Variants in ROBO1 observed in about 807,000 individuals in gnomAD.
ROBO1 encodes the protein roundabout homolog 1.
ROBO1 carries 149 observed loss-of-function variants against 195.9 expected under a neutral mutation model. That is an observed-to-expected ratio of 0.76 (90% CI 0.67 to 0.87). The LOEUF is 0.87. ROBO1 is among the 40% of genes least tolerant of loss of function. ROBO1 has a pLI of 0.00. For missense variants in ROBO1, 1,933 were observed against 2,068.3 expected (o/e 0.93, Z 1.27); for synonymous variants, 816 against 733.2 (o/e 1.11, Z -1.82).
At chr3:78,740,207 A>G (rs2082492110) in intron 5 of ROBO1, among the ~76,000 whole-genome samples, 2 of 152,124 alleles carry the variant, frequency 1.3e-5, no homozygotes, top group Non-Finnish European at 2.9e-5. Flanking sequence ...GACTAAATTG[A>G]CAAGTATAAG....
intron 1 of ROBO1, among the ~76,000 whole-genome samples, chr3:79,655,641 G>T (rs2106781645): frequency 6.6e-6 from 1 of 152,054 alleles, no homozygotes; most frequent in East Asian, 1.9e-4. Context: ...GGCTTTCATT[G>T]CCATTAATTA....
At chr3:79,425,085 T>G (rs1397192720) in intron 2 of ROBO1, among the ~76,000 whole-genome samples, 1 of 152,168 alleles carries the variant, frequency 6.6e-6, no homozygotes, top group Admixed American at 6.6e-5. Flanking sequence ...CAACATTCCT[T>G]ACAATTCTAG....
At chr3:79,647,395 T>C (rs1349146488) in intron 1 of ROBO1, among the ~76,000 whole-genome samples, 1 of 152,008 alleles carries the variant, frequency 6.6e-6, no homozygotes, top group Non-Finnish European at 1.5e-5. Context: ...ATTTCTATGA[T>C]CCCTAAACAA....
rs2077850653 is a variant in ROBO1 at position 79,013,822 on chromosome 3, C to A, written c.173-74895G>T. Among the ~76,000 whole-genome samples, 3 of 152,122 alleles carry A rather than the reference C, an allele frequency of 2.0e-5. No individual in the cohort carries two copies. The South Asian group carries it at 6.2e-4, about 31-fold the overall frequency. On this transcript the variant is annotated intron_variant, in intron 3 of 30. Transcript: ENST00000464233. ...GGTGAGTGTTTAGTAAAGTGATAGT[C>A]CTAGCTTCACAGTAAAAGTAGCCAT...
At chr3:79,204,974 A>ATTAG (rs113126682) in intron 2 of ROBO1, among the ~76,000 whole-genome samples, 6,456 of 150,422 alleles carry the variant, frequency 0.043, 198 homozygotes, top group African/African-American at 0.068. Context: ...GACTTGGAGA[A>ATTAG]TTAGTTAGTT....
chr3:78,627,496 C>G lies in ROBO1; in HGVS notation c.3700G>C (p.Glu1234Gln), dbSNP rs1487881683. Reference protein sequence around the residue: ...YLQQDELEEEEDERGPTPPVR... With the variant: ...YLQQDELEEEQDERGPTPPVR... ...GGGGGAGTGGGGCCTCGTTCATCTT[C>G]CTCCTCTTCTAATTCATCTTGTTGC... Residue 1234 changes from glutamate (E) to glutamine (Q), a missense_variant, in exon 26 of 31, where the codon GAA (glutamate) becomes CAA (glutamine). Physicochemically the swap from Glu to Gln is conservative, Grantham distance 29. Transcript: ENST00000464233. 40 of 1,613,048 alleles carry G rather than the reference C, an allele frequency of 2.5e-5. No homozygotes were observed. Among genetic ancestry groups the G allele is most frequent in the Non-Finnish European group, 3.4e-5 (40 of 1,179,588 alleles).
chr3:79,555,844 G>A (rs188805323), intron 2 of ROBO1, among the ~76,000 whole-genome samples: 2 of 152,238 alleles, frequency 1.3e-5, no homozygotes, highest in African/African-American at 4.8e-5. Flanking sequence ...CATCTTGAGT[G>A]ACAGAATGGT....
chr3:78,765,060 C>T (rs1247981247), intron 4 of ROBO1, among the ~76,000 whole-genome samples: 2 of 151,768 alleles, frequency 1.3e-5, no homozygotes, highest in African/African-American at 4.8e-5. Flanking sequence ...TATTTTAGAC[C>T]TTTGGTTTTA....
intron 2 of ROBO1, among the ~76,000 whole-genome samples, chr3:79,384,581 T>A (rs1310513269): frequency 6.6e-6 from 1 of 152,022 alleles, no homozygotes; most frequent in African/African-American, 2.4e-5. Context: ...TATTTTATTA[T>A]AAGGTAGATG....
At chr3:79,436,934 T>C (rs914420167) in intron 2 of ROBO1, among the ~76,000 whole-genome samples, 19 of 152,172 alleles carry the variant, frequency 1.2e-4, no homozygotes, top group African/African-American at 4.1e-4. Context: ...CATGCATATA[T>C]AGGATTCATC....
chr3:79,125,332 T>G, intron 3 of ROBO1, 124 bp downstream of exon 3: 79 of 756,194 alleles, frequency 1.0e-4, no homozygotes, highest in East Asian at 1.6e-4. Flanking sequence ...GTTTGAAAAA[T>G]GAGAAATTGT....
chr3:78,992,743 TA>T (rs1416769257), intron 3 of ROBO1, among the ~76,000 whole-genome samples: 1 of 151,922 alleles, frequency 6.6e-6, no homozygotes, highest in Admixed American at 6.6e-5. Context: ...CCAAGACAAG[TA>T]AAAAAAGAGT....
chr3:79,564,840 T>C (rs373170237), intron 2 of ROBO1, among the ~76,000 whole-genome samples: 20 of 152,162 alleles, frequency 1.3e-4, no homozygotes, highest in African/African-American at 4.3e-4. Context: ...AATATTAGCA[T>C]TGATTACAGA....
Position 78,677,828 on chromosome 3 carries a change from T to C in ROBO1, c.1343-7527A>G, listed in dbSNP as rs950563424. ...TCAGCTCTGCACCAAGCGGACCTAA[T>C]AGACATCTACAGAACTCTCCACCCC... On this transcript the variant is annotated intron_variant, in intron 10 of 30. Coordinates refer to ENST00000464233, the MANE Select transcript of ROBO1 (RefSeq NM_002941.4). 5.9e-5 allele frequency among the ~76,000 whole-genome samples: 9 copies of C among 152,078 alleles called. No individual in the cohort carries two copies. The South Asian group carries it at 6.2e-4, about 11-fold the overall frequency.
At chr3:79,558,080 T>C (rs1368624184) in intron 2 of ROBO1, among the ~76,000 whole-genome samples, 4 of 152,182 alleles carry the variant, frequency 2.6e-5, no homozygotes, top group African/African-American at 9.7e-5. Flanking sequence ...AATTTGTTTC[T>C]AATTCATTCT....
chr3:78,706,323 G>A (rs9863002), intron 8 of ROBO1, among the ~76,000 whole-genome samples: 38,441 of 148,460 alleles, frequency 0.26, 5,031 homozygotes, highest in African/African-American at 0.34. Flanking sequence ...ATACACAAAA[G>A]AAATATAGGA....
At chr3:79,121,561 C>A (rs1306453817) in intron 3 of ROBO1, among the ~76,000 whole-genome samples, 2 of 151,850 alleles carry the variant, frequency 1.3e-5, no homozygotes, top group African/African-American at 2.4e-5. Context: ...TACTATGAAA[C>A]CTCTGACATT....
intron 2 of ROBO1, among the ~76,000 whole-genome samples, chr3:79,378,176 TCA>T (rs1491010987): frequency 1.3e-5 from 2 of 151,494 alleles, no homozygotes; most frequent in African/African-American, 4.9e-5. Flanking sequence ...TCTCTCTCTC[TCA>T]CTATCACACA....
At chr3:79,009,104 C>A (rs2077710708) in intron 3 of ROBO1, among the ~76,000 whole-genome samples, 1 of 143,838 alleles carries the variant, frequency 7.0e-6, no homozygotes, top group African/African-American at 2.6e-5. Flanking sequence ...CAACGCCCAG[C>A]TAATTTTTTT....
Sources: allele counts gnomAD v4.1 joint callset (sites outside exome capture counted in the v4.1 genomes callset), GRCh38; gene constraint gnomAD v4.1.1; transcripts MANE v1.5; gene names NCBI Gene and HGNC (gene_info 2026-07-23, HGNC 2026-07-21).